Variants in MRPS28 observed in about 807,000 individuals in gnomAD.
The protein encoded by MRPS28 is mitochondrial ribosomal protein S28, also known as small ribosomal subunit protein bS1m.
In MRPS28, 7 loss-of-function variants were observed where a neutral mutation model predicts 10.8. The observed-to-expected ratio is 0.65, with a 90% confidence interval of 0.37 to 1.22. The LOEUF (loss-of-function observed/expected upper bound fraction) is 1.22, where lower values mean the gene tolerates loss of function less well. MRPS28 is among the 50% of genes most tolerant of loss of function. The pLI, the probability that MRPS28 is intolerant of heterozygous loss-of-function variation, is 0.02. For missense variants in MRPS28, 265 were observed against 232.9 expected (o/e 1.14, Z -0.90); for synonymous variants, 121 against 93.3 (o/e 1.30, Z -1.71).
intron 2 of MRPS28, among the ~76,000 whole-genome samples, chr8:79,943,719 C>T (rs369835973): frequency 2.6e-5 from 4 of 152,196 alleles, no homozygotes; most frequent in East Asian, 1.9e-4. Flanking sequence ...CAATAAAATG[C>T]CCCTCCCCTC....
chr8:79,922,250 A>AC (rs1361212041), intron 2 of MRPS28, among the ~76,000 whole-genome samples: 1 of 152,058 alleles, frequency 6.6e-6, no homozygotes, highest in Non-Finnish European at 1.5e-5. Context: ...AGCATGACAA[A>AC]CCCCACATGA....
At chr8:80,004,365 C>T (rs1808762677) in intron 1 of MRPS28, among the ~76,000 whole-genome samples, 1 of 152,220 alleles carries the variant, frequency 6.6e-6, no homozygotes, top group Non-Finnish European at 1.5e-5. Flanking sequence ...TGCTGATACC[C>T]AGGCAAACAG....
At position 79,919,824 on chromosome 8, in the gene MRPS28, T is replaced by C. The variant is rs143497773; in HGVS notation, c.396-676A>G. On this transcript the variant is annotated intron_variant, in intron 2 of 2. Coordinates refer to ENST00000276585, the MANE Select transcript of MRPS28 (RefSeq NM_014018.3). ...CTTTATTTTTTTATTACACTTTAAG[T>C]TTTAGGGTACATGTGCACAACGTGC... Among the ~76,000 whole-genome samples, 368 of 152,256 alleles carry C rather than the reference T, an allele frequency of 2.4e-3. 1 individual carries two copies. Among genetic ancestry groups the C allele is most frequent in the African/African-American group, 8.2e-3 (342 of 41,548 alleles).
rs765383049 is a variant in MRPS28, at chr8:79,918,989, A to ATG, written c.553_554dup (p.Glu186MetfsTer5). 6.5e-7 allele frequency: 1 copy of ATG among 1,550,148 alleles called. No individual in the cohort carries two copies. The highest frequency in any genetic ancestry group is 2.3e-5 in the East Asian group (1 of 43,810). ...ACTAAGCAAAGTTCATTTATTTTTC[A>ATG]TGATGTTCTTCTTTCGATCTTGAGT... On this transcript the variant is annotated frameshift_variant, in exon 3 of 3. Coordinates refer to ENST00000276585, the MANE Select transcript of MRPS28 (RefSeq NM_014018.3). LOFTEE classifies it high-confidence loss of function.
At chr8:79,980,578 G>A (rs556412549) in intron 2 of MRPS28, among the ~76,000 whole-genome samples, 1 of 152,256 alleles carries the variant, frequency 6.6e-6, no homozygotes, top group East Asian at 1.9e-4. Flanking sequence ...GGTTACTACA[G>A]CCTCTTCACT....
intron 2 of MRPS28, among the ~76,000 whole-genome samples, chr8:79,951,250 C>A (rs771816963): frequency 2.0e-5 from 3 of 152,174 alleles, no homozygotes; most frequent in East Asian, 1.9e-4. Flanking sequence ...CACACGGTCC[C>A]GATCCCTCAA....
intron 2 of MRPS28, among the ~76,000 whole-genome samples, chr8:79,974,264 G>A (rs886932788): frequency 4.6e-5 from 7 of 152,074 alleles, no homozygotes; most frequent in South Asian, 4.1e-4. Context: ...AAACGAGGCC[G>A]GCGCGGTGGC....
At chr8:79,982,067 T>G (rs1807972126) in intron 2 of MRPS28, among the ~76,000 whole-genome samples, 1 of 152,040 alleles carries the variant, frequency 6.6e-6, no homozygotes, top group Non-Finnish European at 1.5e-5. Flanking sequence ...GCCAACATGG[T>G]GAAACCCCAT....
intron 2 of MRPS28, among the ~76,000 whole-genome samples, chr8:79,980,734 T>C (rs1465965093): frequency 6.6e-6 from 1 of 152,248 alleles, no homozygotes; most frequent in Non-Finnish European, 1.5e-5. Flanking sequence ...TGTGAACTTA[T>C]ACTCTGCAAG....
intron 2 of MRPS28, among the ~76,000 whole-genome samples, chr8:79,963,404 C>T (rs1241229977): frequency 6.6e-6 from 1 of 152,028 alleles, no homozygotes; most frequent in African/African-American, 2.4e-5. Flanking sequence ...GGGGCGGTAA[C>T]CAGATGTCAA....
At chr8:80,021,680 C>T (rs559372707) in intron 1 of MRPS28, among the ~76,000 whole-genome samples, 1 of 152,168 alleles carries the variant, frequency 6.6e-6, no homozygotes, top group Non-Finnish European at 1.5e-5. Flanking sequence ...AAAAAATTAC[C>T]TTACAGGAAA....
chr8:80,007,129 A>G (rs560843187), intron 1 of MRPS28, among the ~76,000 whole-genome samples: 3 of 152,242 alleles, frequency 2.0e-5, no homozygotes, highest in Admixed American at 6.5e-5. Flanking sequence ...ATGCAAATCA[A>G]TAAATGTAAT....
chr8:79,950,085 C>T (rs962414568), intron 2 of MRPS28, among the ~76,000 whole-genome samples: 1 of 151,948 alleles, frequency 6.6e-6, no homozygotes, highest in African/African-American at 2.4e-5. Context: ...AGCAAAAAAC[C>T]CCAGCTTCCC....
chr8:79,921,177 G>T (rs1563516630), intron 2 of MRPS28, among the ~76,000 whole-genome samples: 2 of 152,138 alleles, frequency 1.3e-5, no homozygotes, highest in African/African-American at 4.8e-5. Context: ...GTACCATGCT[G>T]TTTTGGTTAC....
chr8:79,980,750 A>G (rs1242188188), intron 2 of MRPS28, among the ~76,000 whole-genome samples: 1 of 152,264 alleles, frequency 6.6e-6, no homozygotes, highest in African/African-American at 2.4e-5. Context: ...GCAAGGCACT[A>G]TGCCGGACAT....
intron 2 of MRPS28, among the ~76,000 whole-genome samples, chr8:79,939,909 G>A (rs1298983112): frequency 1.3e-5 from 2 of 151,656 alleles, no homozygotes; most frequent in African/African-American, 2.4e-5. Context: ...GGCGGAGCTT[G>A]CAGTGAGCGG....
chr8:79,978,020 A>C (rs1807849211), intron 2 of MRPS28, among the ~76,000 whole-genome samples: 1 of 152,092 alleles, frequency 6.6e-6, no homozygotes, highest in African/African-American at 2.4e-5. Flanking sequence ...AAATATGAAA[A>C]TAGAAATGTA....
At chr8:80,027,762 G>A (rs1052631403) in intron 1 of MRPS28, among the ~76,000 whole-genome samples, 1 of 152,156 alleles carries the variant, frequency 6.6e-6, no homozygotes, top group Non-Finnish European at 1.5e-5. Context: ...CCTCCCCAGG[G>A]AATTTTATTT....
rs116191772 is a variant in MRPS28, at chr8:79,992,045, G to C, written c.395+10954C>G. 5.6e-3 allele frequency among the ~76,000 whole-genome samples: 847 copies of C among 152,046 alleles called. 9 individuals carry two copies. The highest frequency in any genetic ancestry group is 0.02 in the African/African-American group (818 of 41,446). On this transcript the variant is annotated intron_variant, in intron 2 of 2. Coordinates refer to ENST00000276585, the MANE Select transcript of MRPS28 (RefSeq NM_014018.3). Reference sequence around the variant, plus strand: ...TGAGATTCATGTGCCAAGGAACTGAGGCCTCCTGCCAATAACCAGCACTAA... The same window carrying C: ...TGAGATTCATGTGCCAAGGAACTGACGCCTCCTGCCAATAACCAGCACTAA...
Sources: allele counts gnomAD v4.1 joint callset (sites outside exome capture counted in the v4.1 genomes callset), GRCh38; gene constraint gnomAD v4.1.1; transcripts MANE v1.5; gene names NCBI Gene and HGNC (gene_info 2026-07-23, HGNC 2026-07-21).